Variants in TAFA4 observed in about 807,000 individuals in gnomAD.
TAFA4 encodes TAFA chemokine like family member 4.
TAFA4 carries 20 observed loss-of-function variants against 21.1 expected under a neutral mutation model. The observed-to-expected ratio is 0.95, with a 90% CI of 0.67 to 1.38. TAFA4 has a LOEUF of 1.38. TAFA4 is among the 40% of genes most tolerant of loss of function. TAFA4 has a pLI of 0.00. For synonymous variants in TAFA4, 71 were observed against 67.4 expected (o/e 1.05, Z -0.26); for missense variants, 211 against 180.9 (o/e 1.17, Z -0.95).
intron 3 of TAFA4, among the ~76,000 whole-genome samples, chr3:68,763,562 T>C (rs549887460): frequency 6.6e-6 from 1 of 152,232 alleles, no homozygotes; most frequent in Non-Finnish European, 1.5e-5. Flanking sequence ...AAAAATACTA[T>C]ATTCTAACCA....
chr3:68,870,567 A>G (rs770187661), intron 3 of TAFA4, among the ~76,000 whole-genome samples: 1 of 151,978 alleles, frequency 6.6e-6, no homozygotes, highest in East Asian at 1.9e-4. Flanking sequence ...CAGCCAACTC[A>G]TTTTTTTAAT....
At chr3:68,735,384 T>A (rs527396421) in intron 5 of TAFA4, among the ~76,000 whole-genome samples, 19 of 152,146 alleles carry the variant, frequency 1.2e-4, no homozygotes, top group African/African-American at 3.9e-4. Context: ...GAAAGCAAGG[T>A]ATAAGCCAAT....
chr3:68,733,834 T>G (rs769517620), intron 5 of TAFA4, among the ~76,000 whole-genome samples: 1 of 152,194 alleles, frequency 6.6e-6, no homozygotes, highest in Non-Finnish European at 1.5e-5. Context: ...ACCCAGGCTT[T>G]AGACCCAATC....
chr3:68,740,160 A>T (rs1367458960), intron 4 of TAFA4, among the ~76,000 whole-genome samples: 1 of 152,184 alleles, frequency 6.6e-6, no homozygotes, highest in Non-Finnish European at 1.5e-5. Context: ...TCCTCACCCC[A>T]GGATGTTAAG....
At chr3:68,753,553 C>G (rs1269356538) in intron 3 of TAFA4, among the ~76,000 whole-genome samples, 1 of 152,074 alleles carries the variant, frequency 6.6e-6, no homozygotes, top group Non-Finnish European at 1.5e-5. Context: ...CCAAACTGGT[C>G]TCGAACTCCT....
intron 4 of TAFA4, among the ~76,000 whole-genome samples, chr3:68,744,985 T>C (rs1366979695): frequency 2.6e-5 from 4 of 152,202 alleles, no homozygotes; most frequent in Admixed American, 6.5e-5. Flanking sequence ...TGAGGTGCCC[T>C]TGTTCGTCAA....
At chr3:68,770,898 A>C (rs868851689) in intron 3 of TAFA4, among the ~76,000 whole-genome samples, 32 of 152,142 alleles carry the variant, frequency 2.1e-4, no homozygotes, top group Middle Eastern at 6.8e-3. Context: ...GGCCTGCCAT[A>C]CTCCCATCCT....
intron 4 of TAFA4, among the ~76,000 whole-genome samples, chr3:68,746,045 G>C (rs751536726): frequency 1.3e-5 from 2 of 152,180 alleles, no homozygotes; most frequent in Non-Finnish European, 2.9e-5. Flanking sequence ...AGCAGGCAGA[G>C]GAGCAGATCT....
intron 3 of TAFA4, among the ~76,000 whole-genome samples, chr3:68,862,660 T>C (rs1033920702): frequency 2.6e-5 from 4 of 151,966 alleles, no homozygotes; most frequent in African/African-American, 9.7e-5. Flanking sequence ...ATCAACAGCA[T>C]GATTGAGCAG....
chr3:68,740,144 A>T (rs559757321), intron 4 of TAFA4, among the ~76,000 whole-genome samples: 26 of 152,208 alleles, frequency 1.7e-4, no homozygotes, highest in Non-Finnish European at 3.1e-4. Context: ...TCATTTGAAA[A>T]GTAGATCCTC....
At chr3:68,744,441 C>A (rs1702414049) in intron 4 of TAFA4, among the ~76,000 whole-genome samples, 1 of 152,226 alleles carries the variant, frequency 6.6e-6, no homozygotes, top group Non-Finnish European at 1.5e-5. Context: ...GTAGACAAAA[C>A]TGGGTGCCAG....
chr3:68,774,495 A>G (rs903916171), intron 3 of TAFA4, among the ~76,000 whole-genome samples: 1 of 152,200 alleles, frequency 6.6e-6, no homozygotes, highest in African/African-American at 2.4e-5. Flanking sequence ...AAGAAATACA[A>G]TTAAATGGAA....
At chr3:68,821,158 C>T (rs1184716810) in intron 3 of TAFA4, among the ~76,000 whole-genome samples, 1 of 152,122 alleles carries the variant, frequency 6.6e-6, no homozygotes, top group African/African-American at 2.4e-5. Context: ...TGCTGAAAAA[C>T]ATAACCAAAA....
chr3:68,913,284 A>AT (rs34698690), intron 1 of TAFA4, among the ~76,000 whole-genome samples: 3 of 151,834 alleles, frequency 2.0e-5, no homozygotes, highest in Non-Finnish European at 4.4e-5. Context: ...AAGAGCTAAC[A>AT]TTTTTTTGCC....
intron 3 of TAFA4, among the ~76,000 whole-genome samples, chr3:68,875,725 A>G (rs777905212): frequency 9.2e-5 from 14 of 152,148 alleles, no homozygotes; most frequent in Non-Finnish European, 1.6e-4. Flanking sequence ...TTAATGGTTG[A>G]TATCACATGC....
intron 1 of TAFA4, 37 bp downstream of exon 1, chr3:68,932,203 C>T (rs2090165335): frequency 6.6e-6 from 1 of 152,076 alleles, no homozygotes; most frequent in Non-Finnish European, 1.5e-5. Context: ...CCCACCCCAT[C>T]CTCTCGCCCC....
chr3:68,758,060 T>C (rs1702689850), intron 3 of TAFA4, among the ~76,000 whole-genome samples: 2 of 152,156 alleles, frequency 1.3e-5, no homozygotes, highest in South Asian at 4.1e-4. Flanking sequence ...TAACTAGAGA[T>C]TGAGAAGAGG....
intron 1 of TAFA4, among the ~76,000 whole-genome samples, chr3:68,910,869 A>G (rs1005342731): frequency 6.6e-6 from 1 of 152,232 alleles, no homozygotes; most frequent in African/African-American, 2.4e-5. Flanking sequence ...GTTTGTTCTA[A>G]TAAAACATCA....
intron 3 of TAFA4, among the ~76,000 whole-genome samples, chr3:68,753,842 A>C (rs72922882): frequency 6.6e-6 from 1 of 152,110 alleles, no homozygotes; most frequent in Non-Finnish European, 1.5e-5. Context: ...CTGGATGCTG[A>C]TTCTTCCCCA....
Sources: gnomAD v4.1 joint callset for allele counts (sites outside exome capture counted in the v4.1 genomes callset) on GRCh38, gnomAD v4.1.1 for gene constraint, MANE v1.5 for transcripts, NCBI Gene and HGNC (gene_info 2026-07-23, HGNC 2026-07-21) for gene names.